Variants in PARP4 observed in about 807,000 individuals in gnomAD.
PARP4 encodes the protein poly(ADP-ribose) polymerase family member 4.
Under a neutral mutation model 187.7 loss-of-function variants are expected in PARP4, and 120 were observed. The ratio of observed to expected loss-of-function variants is 0.64; its 90% CI spans 0.55 to 0.74. PARP4 has a LOEUF of 0.74. PARP4 is among the 30% of genes least tolerant of loss of function. The probability of loss-of-function intolerance (pLI) is 0.00; values close to 1 mark genes in which losing one functional copy is unlikely to be tolerated. For synonymous variants in PARP4, 654 were observed against 740.9 expected, an observed-to-expected ratio of 0.88 and a Z score of 1.90; for missense variants, 1,836 against 2,070.5, an observed-to-expected ratio of 0.89 and a Z score of 2.20.
intron 24 of PARP4, among the ~76,000 whole-genome samples, chr13:24,451,185 G>A (rs1257467194): frequency 6.6e-6 from 1 of 152,222 alleles, no homozygotes. Flanking sequence ...TGTGGTGTCT[G>A]AGCCCTGACC....
At chr13:24,475,701 G>C in intron 14 of PARP4, 105 bp from the exon 15 acceptor site, 1 of 1,139,732 alleles carries the variant, frequency 8.8e-7, no homozygotes, top group Non-Finnish European at 1.3e-6. Context: ...TTATTTTAGG[G>C]AAAATGGGCA....
Position 24,494,580 on chromosome 13 carries a change from A to T in PARP4, c.734T>A (p.Leu245Ter), listed in dbSNP as rs374203108. ...ATTATAAATCAATCTCACTGCTTGC[A>T]ATTGTTCAGATGCTAATTGGGTTGC... ...PEATQLASEQLQALLLEEVMN... is the reference protein window; with the variant it reads ...PEATQLASEQ The change falls in exon 7 of 34, where the codon TTG becomes TAG. Residue 245 changes from leucine (L) to a stop codon, truncating the protein, a stop_gained. Coordinates refer to ENST00000381989, the MANE Select transcript of PARP4 (RefSeq NM_006437.4). LOFTEE classifies it high-confidence loss of function. The T allele has an allele frequency of 1.9e-6, 3 of 1,605,634 alleles. No homozygotes were observed. Among genetic ancestry groups the T allele is most frequent in the African/African-American group, 1.3e-5 (1 of 74,500 alleles).
chr13:24,469,687 G>T (rs919987333), intron 16 of PARP4, among the ~76,000 whole-genome samples: 18 of 152,188 alleles, frequency 1.2e-4, no homozygotes, highest in Admixed American at 1.1e-3. Context: ...ATGAAGACTG[G>T]ACAGATGGGG....
chr13:24,458,410 A>C (rs1247572468), intron 20 of PARP4, among the ~76,000 whole-genome samples: 1 of 146,694 alleles, frequency 6.8e-6, no homozygotes, highest in Admixed American at 6.7e-5. Context: ...CACTCAGCCA[A>C]GTTTTTTTTT....
Position 24,469,883 on chromosome 13 carries a change from T to C in PARP4, c.2046+11A>G. 1 of 1,609,574 alleles carries C rather than the reference T, an allele frequency of 6.2e-7. No individual in the cohort carries two copies. The highest frequency in any genetic ancestry group is 1.3e-5 in the African/African-American group (1 of 74,736). ...AGCCGAGAGCGGGCACGATGCATCT[T>C]CTTGCCTTACCTCTCCAACTATGTG... On this transcript the variant is annotated intron_variant, in intron 16 of 33. Transcript: ENST00000381989.
intron 15 of PARP4, among the ~76,000 whole-genome samples, chr13:24,472,390 C>G (rs184904797): frequency 7.5e-4 from 114 of 152,180 alleles, no homozygotes; most frequent in African/African-American, 2.7e-3. Context: ...CAGAGTGGGC[C>G]CAGGGGTGGA....
rs201251739 is a variant in PARP4 at position 24,435,475 on chromosome 13, C to A, written c.3667-1G>T. Reference sequence around the variant, plus strand: ...GCCACTCAGAGGATGCTAAAAGAGACTGCCCAGAAGACAGAATTATTAACG... The same window carrying A: ...GCCACTCAGAGGATGCTAAAAGAGAATGCCCAGAAGACAGAATTATTAACG... On this transcript the variant is annotated splice_acceptor_variant, in intron 30 of 33. Coordinates refer to ENST00000381989, the MANE Select transcript of PARP4 (RefSeq NM_006437.4). LOFTEE classifies it high-confidence loss of function. The A allele has an allele frequency of 6.3e-7, 1 of 1,578,158 alleles. No individual in the cohort carries two copies. The highest frequency in any genetic ancestry group is 1.4e-5 in the African/African-American group (1 of 73,002).
rs752422275 is a variant in PARP4 at position 24,434,798 on chromosome 13, A to G, written c.4343T>C (p.Ile1448Thr). The G allele has an allele frequency of 1.2e-6, 2 of 1,612,776 alleles. No individual in the cohort carries two copies. Among genetic ancestry groups the G allele is most frequent in the Non-Finnish European group, 1.7e-6 (2 of 1,179,484 alleles). ...GGGATGATAAGACCCAAAACCTCTGATGGGATCAGGGTCTGTAGGAAGAGA... is the reference window on the plus strand; with the variant it reads ...GGGATGATAAGACCCAAAACCTCTGGTGGGATCAGGGTCTGTAGGAAGAGA... ...HFSLPTDPDP[I>T]RGFGSYHPSA... The change falls in exon 31 of 34, where the codon ATC becomes ACC. Residue 1448 changes from isoleucine to threonine, a missense_variant. Physicochemically the swap from Ile to Thr is moderately conservative, Grantham distance 89. Around this residue, in one of 8 missense-constraint regions of PARP4, gnomAD observed 450 missense variants for 439.2 expected, o/e 1.02. Coordinates refer to ENST00000381989, the MANE Select transcript of PARP4 (RefSeq NM_006437.4).
intron 33 of PARP4, 151 bp from the exon 34 acceptor site, chr13:24,421,465 C>A: frequency 3.5e-6 from 4 of 1,156,372 alleles, no homozygotes; most frequent in Non-Finnish European, 4.8e-6. Context: ...TACGGAAGTT[C>A]TTCTGCCCGT....
intron 29 of PARP4, among the ~76,000 whole-genome samples, chr13:24,442,325 G>T (rs1381288954): frequency 6.6e-6 from 1 of 152,276 alleles, no homozygotes; most frequent in Non-Finnish European, 1.5e-5. Flanking sequence ...TAGTATAACC[G>T]AAAAGTACAC....
chr13:24,458,140 C>T (rs1320486245), intron 20 of PARP4, among the ~76,000 whole-genome samples: 3 of 147,510 alleles, frequency 2.0e-5, no homozygotes, highest in East Asian at 2.0e-4. Flanking sequence ...GATGGAGTCT[C>T]GCTCTGACGC....
chr13:24,439,604 T>C (rs1291510710), intron 30 of PARP4, among the ~76,000 whole-genome samples: 1 of 152,208 alleles, frequency 6.6e-6, no homozygotes, highest in African/African-American at 2.4e-5. Context: ...TTTTAGAGTT[T>C]AGTGGCACGA....
intron 28 of PARP4, among the ~76,000 whole-genome samples, chr13:24,442,924 TCA>T (rs1243070990): frequency 6.6e-6 from 1 of 152,074 alleles, no homozygotes; most frequent in African/African-American, 2.4e-5. Context: ...TCTCATTCTT[TCA>T]CAGTCTGTGG....
rs770481621 is a variant in PARP4 at position 24,446,989 on chromosome 13, A to G, written c.3285+27T>C. 4 of 1,488,830 alleles carry G rather than the reference A, an allele frequency of 2.7e-6. No individual in the cohort carries two copies. The South Asian group carries it at 3.8e-5, about 14-fold the overall frequency. The allele number at this position is 1,488,830 out of a possible 1,614,324, so 92.2% of individuals were successfully genotyped here. A position where few individuals can be genotyped will look rare whatever the true frequency, so the allele number is the denominator to read the frequency against. ...TAGCAAAATATATTGGTCTTCCCAT[A>G]GAATAACAAACTCTGCGTCTTCTTA... On this transcript the variant is annotated intron_variant, in intron 26 of 33. Transcript: ENST00000381989.
At chr13:24,450,578 C>T (rs9581046) in intron 24 of PARP4, among the ~76,000 whole-genome samples, 23,791 of 152,066 alleles carry the variant, frequency 0.16, 2,446 homozygotes, top group African/African-American at 0.28. Flanking sequence ...GTTAGCGAGG[C>T]AGGCTGGAGT....
At chr13:24,499,800 T>C (rs1869172409) in intron 4 of PARP4, among the ~76,000 whole-genome samples, 1 of 152,216 alleles carries the variant, frequency 6.6e-6, no homozygotes, top group East Asian at 1.9e-4. Flanking sequence ...TAATCTGTAC[T>C]TTTCATTTTG....
At chr13:24,472,395 G>A (rs1379856415) in intron 15 of PARP4, among the ~76,000 whole-genome samples, 2 of 152,128 alleles carry the variant, frequency 1.3e-5, no homozygotes, top group Non-Finnish European at 2.9e-5. Context: ...TGGGCCCAGG[G>A]GTGGAGGTCA....
At chr13:24,498,023 A>G in intron 6 of PARP4, 93 bp downstream of exon 6, 1 of 792,272 alleles carries the variant, frequency 1.3e-6, no homozygotes, top group South Asian at 1.7e-5. Flanking sequence ...GACAACAGGT[A>G]AGAAGAAAAA....
chr13:24,446,589 G>T, intron 27 of PARP4, 92 bp downstream of exon 27: 1 of 844,220 alleles, frequency 1.2e-6, no homozygotes, highest in East Asian at 2.6e-5. Flanking sequence ...CTGGGCCGTG[G>T]GTTGGACAAG....
Sources: allele counts gnomAD v4.1 joint callset (sites outside exome capture counted in the v4.1 genomes callset), GRCh38; gene constraint gnomAD v4.1.1; regional missense constraint gnomAD v4.1.1; transcripts MANE v1.5; gene names NCBI Gene and HGNC (gene_info 2026-07-23, HGNC 2026-07-21).